The following INTS1 variants were observed in gnomAD, a reference collection of about 807,000 sequenced individuals.
The protein encoded by INTS1 is integrator complex subunit 1.
In INTS1, 137 loss-of-function variants were observed where a neutral mutation model predicts 241.6. The ratio of observed to expected loss-of-function variants is 0.57; its 90% CI spans 0.49 to 0.65. The LOEUF is 0.65. INTS1 is among the 30% of genes least tolerant of loss of function. The pLI, the probability that INTS1 is intolerant of heterozygous loss-of-function variation, is 0.00. For synonymous variants in INTS1, 1,692 were observed against 1,337.8 expected, an observed-to-expected ratio of 1.26 and a Z score of -5.78; for missense variants, 3,073 against 3,032.2, an observed-to-expected ratio of 1.01 and a Z score of -0.32.
chr7:1,476,999 A>G (rs1356046020), intron 35 of INTS1, 81 bp from the exon 36 acceptor site: 16 of 1,496,302 alleles, frequency 1.1e-5, no homozygotes, highest in Non-Finnish European at 1.1e-5. Flanking sequence ...AGCTTCCCCA[A>G]TGAGCCACTC....
chr7:1,473,732 C>T lies in INTS1; in HGVS notation c.5830-39G>A, dbSNP rs749044076. On this transcript the variant is annotated intron_variant, in intron 41 of 47. Transcript: ENST00000404767. ...GCGGCACCCTCGAGCTGCTCTGCCC[C>T]GCAGGGCCAAAACAGAGCCTGTGCT... 3.7e-5 allele frequency: 59 copies of T among 1,610,276 alleles called. 2 individuals carry two copies. The South Asian group carries it at 5.4e-4, about 15-fold the overall frequency.
intron 33 of INTS1, 110 bp downstream of exon 33, chr7:1,478,256 G>A: frequency 8.0e-7 from 1 of 1,257,646 alleles, no homozygotes; most frequent in Non-Finnish European, 1.1e-6. Context: ...ACTTTCCGGG[G>A]ACAGTGCTGA....
At chr7:1,474,961 GCTC>G (rs1781642582) in intron 39 of INTS1, 123 bp from the exon 40 acceptor site, 2 of 1,278,696 alleles carry the variant, frequency 1.6e-6, no homozygotes, top group Non-Finnish European at 1.1e-6. Flanking sequence ...AGAGGAACTG[GCTC>G]CTTACGGCTT....
Position 1,472,321 on chromosome 7 carries a change from C to G in INTS1, c.6136G>C (p.Glu2046Gln). The stretch of plus-strand genomic sequence containing the variant: ...AGCCGTTTCATGTAGGGGGCCATCT[C>G]GGCCGCGGTCAGAGGGGTGAACAGG... The part of the protein sequence containing the change: ...VSLFTPLTAA[E>Q]MAPYMKRLSR... Residue 2046 changes from glutamate (E) to glutamine (Q), a missense_variant, in exon 44 of 48, where the codon GAG becomes CAG. Glu to Gln is a conservative substitution (Grantham distance 29). Transcript: ENST00000404767. The G allele has an allele frequency of 6.4e-7, 1 of 1,570,526 alleles. No homozygotes were observed. Among genetic ancestry groups the G allele is most frequent in the Non-Finnish European group, 8.6e-7 (1 of 1,158,572 alleles).
intron 31 of INTS1, 38 bp downstream of exon 31, chr7:1,479,392 C>A: frequency 1.3e-6 from 2 of 1,546,180 alleles, no homozygotes; most frequent in Non-Finnish European, 1.7e-6. Flanking sequence ...AGAGCCCTCA[C>A]TGCCCTCCTC....
At chr7:1,480,282 T>C in intron 30 of INTS1, 35 bp downstream of exon 30, 1 of 1,576,004 alleles carries the variant, frequency 6.3e-7, no homozygotes, top group Non-Finnish European at 8.6e-7. Context: ...GAAGAGGGGC[T>C]GCAGGTGGAG....
At chr7:1,486,138 G>A (rs1475908739) in intron 22 of INTS1, among the ~76,000 whole-genome samples, 2 of 152,128 alleles carry the variant, frequency 1.3e-5, no homozygotes, top group Non-Finnish European at 1.5e-5. Flanking sequence ...ATCTTCCTGT[G>A]TTGCCCAGGC....
chr7:1,488,331 C>T (rs1391403114), intron 18 of INTS1, among the ~76,000 whole-genome samples: 1 of 152,198 alleles, frequency 6.6e-6, no homozygotes, highest in Non-Finnish European at 1.5e-5. Context: ...CATCCAGGGA[C>T]AGACCTGCAG....
Position 1,471,234 on chromosome 7 carries a change from G to C in INTS1, c.6256-10C>G. The C allele has an allele frequency of 6.4e-7, 1 of 1,567,840 alleles. No individual in the cohort carries two copies. Among genetic ancestry groups the C allele is most frequent in the Non-Finnish European group, 8.6e-7 (1 of 1,157,584 alleles). ...GCCGCTGCAGGTTGGTCTGACCGGG[G>C]GAAAGGTGGGAGGTGTGTGACCAAG... On this transcript the variant is annotated splice_polypyrimidine_tract_variant and intron_variant, in intron 45 of 47. Transcript: ENST00000404767.
At chr7:1,482,466 G>A (rs1215233971) in intron 27 of INTS1, 80 bp downstream of exon 27, 5 of 1,425,426 alleles carry the variant, frequency 3.5e-6, no homozygotes, top group Non-Finnish European at 4.7e-6. Flanking sequence ...GCCGGAGGCT[G>A]CCCAGGCCCA....
At chr7:1,476,162 G>C in intron 38 of INTS1, 67 bp downstream of exon 38, 1 of 1,526,382 alleles carries the variant, frequency 6.6e-7, no homozygotes, top group Non-Finnish European at 8.8e-7. Flanking sequence ...AACCCACCCA[G>C]GGCTGGGCCT....
rs757409490 is a variant in INTS1, at chr7:1,485,327, T to G, written c.3119A>C (p.Asp1040Ala). The G allele has an allele frequency of 6.2e-7, 1 of 1,612,028 alleles. No homozygotes were observed. The highest frequency in any genetic ancestry group is 8.5e-7 in the Non-Finnish European group (1 of 1,179,774). The change falls in exon 23 of 48, where the codon GAC becomes GCC. Residue 1040 changes from aspartate (D) to alanine (A), a missense_variant. Physicochemically the swap from Asp to Ala is moderately radical, Grantham distance 126. Transcript: ENST00000404767. ...LRDLPRLPLF[D>A]SVRSTTALAL... ...CAGGGCTGTGGTGCTCCTGACGCTG[T>G]CGAACAGAGGCAGGCGAGGCAGGTC...
rs372736624 is a variant in INTS1 at position 1,476,001 on chromosome 7, C to T, written c.5449G>A (p.Val1817Met). The T allele has an allele frequency of 3.2e-5, 50 of 1,545,490 alleles. No homozygotes were observed. The highest frequency in any genetic ancestry group is 3.9e-5 in the Non-Finnish European group (45 of 1,146,728). Residue 1817 changes from valine to methionine, a missense_variant, in exon 39 of 48, where the codon GTG becomes ATG. Physicochemically the swap from Val to Met is conservative, Grantham distance 21. Transcript: ENST00000404767. ...YLQRPELRVPVPEVLLHSEGA... is the reference protein window; with the variant it reads ...YLQRPELRVPMPEVLLHSEGA... ...TCGCTGTGCAGTAGGACCTCAGGCA[C>T]GGGCACCCGCAGCTCCGGCCGCTGT...
Position 1,489,679 on chromosome 7 carries a change from G to A in INTS1, c.2169C>T (p.Tyr723=), listed in dbSNP as rs1782455020. ...HPENIQLPPG[Y]QPPNLAISTL... The stretch of plus-strand genomic sequence containing the variant: ...TAGAGATGGCGAGGTTCGGAGGCTG[G>A]TACCTGGAAGGCAGGGGCGCCCCGA... The change falls in exon 17 of 48, where the codon TAC becomes TAT. Residue 723 remains tyrosine (Y), a synonymous_variant. Transcript: ENST00000404767. 3.9e-6 allele frequency: 6 copies of A among 1,540,958 alleles called. No individual in the cohort carries two copies. In the Admixed American group the frequency reaches 1.0e-4, roughly 26 times the overall value.
rs1480396830 is a variant in INTS1 at position 1,485,399 on chromosome 7, T to C, written c.3047A>G (p.Asp1016Gly). ...CTGCAGCACATCTGTGTCCCCCACA[T>C]CCTCCTCCATGGGGGGCTCCTTCTC... is the stretch of plus-strand genomic sequence containing the variant. ...GEEKEPPMEEDVGDTDVLQGY... is the reference protein window; with the variant it reads ...GEEKEPPMEEGVGDTDVLQGY... The change falls in exon 23 of 48, where the codon GAT becomes GGT. Residue 1016 changes from aspartate (D) to glycine (G), a missense_variant. Physicochemically the swap from Asp to Gly is moderately conservative, Grantham distance 94 (BLOSUM62 -1). Coordinates refer to ENST00000404767, the MANE Select transcript of INTS1 (RefSeq NM_001080453.3). The C allele has an allele frequency of 6.2e-7, 1 of 1,612,642 alleles. No homozygotes were observed. Among genetic ancestry groups the C allele is most frequent in the Non-Finnish European group, 8.5e-7 (1 of 1,179,740 alleles).
At chr7:1,480,226 G>A in intron 30 of INTS1, 91 bp downstream of exon 30, 2 of 1,438,852 alleles carry the variant, frequency 1.4e-6, no homozygotes, top group South Asian at 2.8e-5. Context: ...GGTCACGCAA[G>A]TAAAGGCCGC....
chr7:1,475,035 A>G (rs537376791), intron 39 of INTS1, among the ~76,000 whole-genome samples, 197 bp from the exon 40 acceptor site: 1 of 152,194 alleles, frequency 6.6e-6, no homozygotes, highest in Non-Finnish European at 1.5e-5. Context: ...CCCCATACAG[A>G]ATAAAAGCAA....
rs750284137 is a variant in INTS1 at position 1,487,991 on chromosome 7, C to T, written c.2319-34G>A. 6 of 1,606,438 alleles carry T rather than the reference C, an allele frequency of 3.7e-6. No individual in the cohort carries two copies. In the African/African-American group the frequency reaches 5.4e-5, roughly 14 times the overall value. ...AGACGGGGGAGCGTGTCACCCTGCC[C>T]CCCATGAAGGGCTCACTCCCAGTGG... On this transcript the variant is annotated intron_variant, in intron 18 of 47. Coordinates refer to ENST00000404767, the MANE Select transcript of INTS1 (RefSeq NM_001080453.3).
In INTS1 at chr7:1,474,262, A is replaced by G; in HGVS notation, c.5735T>C (p.Leu1912Pro). ...CGGCTGCAGCAGCTCCAGCAGGCCC[A>G]GCACGTGCAGGAAGCAGCTCAGGTG... ...QNHLSCFLHV[L>P]GLLELLQPHV... Residue 1912 changes from leucine (L) to proline (P), a missense_variant, in exon 41 of 48, where the codon CTG becomes CCG. Leu to Pro is a moderately conservative substitution (Grantham distance 98). Transcript: ENST00000404767. 1 of 1,607,932 alleles carries G rather than the reference A, an allele frequency of 6.2e-7. No individual in the cohort carries two copies. The highest frequency in any genetic ancestry group is 8.5e-7 in the Non-Finnish European group (1 of 1,178,936).
Sources: allele counts gnomAD v4.1 joint callset (sites outside exome capture counted in the v4.1 genomes callset), GRCh38; gene constraint gnomAD v4.1.1; transcripts MANE v1.5; gene names NCBI Gene and HGNC (gene_info 2026-07-23, HGNC 2026-07-21).